CHD6: variants seen among roughly 807,000 people sequenced by gnomAD.
CHD6 encodes the protein chromodomain helicase DNA binding protein 6.
A neutral mutation model predicts 276.9 loss-of-function variants in CHD6; 50 were observed. The observed-to-expected ratio is 0.18, with a 90% CI of 0.14 to 0.23. The LOEUF (loss-of-function observed/expected upper bound fraction) is 0.23, where lower values mean the gene tolerates loss of function less well. Ranked by LOEUF, CHD6 falls within the 10% of genes least tolerant of loss-of-function variation. The pLI is 1.00. For synonymous variants in CHD6, 1,173 were observed against 1,229.3 expected (o/e 0.95, Z 0.96); for missense variants, 2,564 against 3,365.8 (o/e 0.76, Z 5.89).
chr20:41,537,127 G>A (rs2044849374), intron 2 of CHD6, among the ~76,000 whole-genome samples: 2 of 152,110 alleles, frequency 1.3e-5, no homozygotes, highest in Non-Finnish European at 2.9e-5. Flanking sequence ...GTGAAATATA[G>A]TAATTAAGGA....
At chr20:41,562,675 A>AC (rs2045314128) in intron 1 of CHD6, among the ~76,000 whole-genome samples, 3 of 152,206 alleles carry the variant, frequency 2.0e-5, no homozygotes, top group Non-Finnish European at 4.4e-5. Flanking sequence ...AAAACCTATC[A>AC]CCTTAAACTC....
At chr20:41,425,570 G>A (rs4812506) in intron 28 of CHD6, among the ~76,000 whole-genome samples, 176 bp from the exon 29 acceptor site, 72,395 of 152,008 alleles carry the variant, frequency 0.48, 19,944 homozygotes, top group African/African-American at 0.76. Context: ...ATTTTGCCTT[G>A]GATACAGCTT....
chr20:41,497,435 C>T lies in CHD6; in HGVS notation c.1041G>A (p.Lys347=), dbSNP rs775019018. 1 of 1,613,938 alleles carries T rather than the reference C, an allele frequency of 6.2e-7. No homozygotes were observed. Among genetic ancestry groups the T allele is most frequent in the Non-Finnish European group, 8.5e-7 (1 of 1,179,872 alleles). ...ELEKDPRIAQ[K]IKRFRNKQAQ... is the part of the protein sequence containing the mutation. ...CTTGTTTATTCCTAAATCGCTTGAT[C>T]TTCTGTGCGATGCGAGGATCCTTTT... Residue 347 remains lysine (K), a synonymous_variant, in exon 8 of 37, where the codon AAG becomes AAA. Coordinates refer to ENST00000373233, the MANE Select transcript of CHD6 (RefSeq NM_032221.5).
chr20:41,594,843 G>C (rs971499531), intron 1 of CHD6, among the ~76,000 whole-genome samples: 1 of 152,228 alleles, frequency 6.6e-6, no homozygotes, highest in Non-Finnish European at 1.5e-5. Context: ...CACCCAATGG[G>C]GGAAAGGACA....
In CHD6 at chr20:41,413,418, C is replaced by T; in HGVS notation, c.7037G>A (p.Ser2346Asn). 6.2e-7 allele frequency: 1 copy of T among 1,611,966 alleles called. No individual in the cohort carries two copies. The change falls in exon 35 of 37, where the codon AGC becomes AAC. Residue 2346 changes from serine (S) to asparagine (N), a missense_variant. Ser to Asn is a conservative substitution (Grantham distance 46). This residue lies in a region of CHD6 where 1,024 missense variants were observed against 1,047.9 expected (regional missense o/e 0.98). Coordinates refer to ENST00000373233, the MANE Select transcript of CHD6 (RefSeq NM_032221.5). ...GGGAATGGATTTCTCGGCTTGGCTG[C>T]TGGCTGCCGTAGCTGGCTCAGGAGC... ...TSAPEPATAA[S>N]SQAEKSIPSK... is the part of the protein sequence containing the mutation.
At chr20:41,598,848 G>A (rs1365140579) in intron 1 of CHD6, among the ~76,000 whole-genome samples, 1 of 152,264 alleles carries the variant, frequency 6.6e-6, no homozygotes, top group East Asian at 1.9e-4. Flanking sequence ...TGGGTACTCT[G>A]CCAAATAAGT....
intron 27 of CHD6, among the ~76,000 whole-genome samples, chr20:41,429,086 G>C (rs2047452592): frequency 6.6e-6 from 1 of 152,144 alleles, no homozygotes; most frequent in African/African-American, 2.4e-5. Context: ...ATGGTTTAGA[G>C]AGCACCTGAG....
At chr20:41,589,412 A>C (rs2045631714) in intron 1 of CHD6, among the ~76,000 whole-genome samples, 1 of 152,184 alleles carries the variant, frequency 6.6e-6, no homozygotes, top group Non-Finnish European at 1.5e-5. Flanking sequence ...CAATTAGGAA[A>C]AGAGGAAGTC....
At chr20:41,486,660 T>C (rs2043421736) in intron 14 of CHD6, among the ~76,000 whole-genome samples, 1 of 152,210 alleles carries the variant, frequency 6.6e-6, no homozygotes, top group Non-Finnish European at 1.5e-5. Flanking sequence ...AATTATGTCA[T>C]TCCTGTAATA....
At position 41,402,745 on chromosome 20, in the gene CHD6, T is replaced by C. The variant is rs1440546635; in HGVS notation, c.*1848A>G. ...AATAAATTATATTGATTTTTAGGAT[T>C]TAACAGCTGAAAAAACCCTTTCTGC... On this transcript the variant is annotated 3_prime_UTR_variant, in exon 37 of 37. Coordinates refer to ENST00000373233, the MANE Select transcript of CHD6 (RefSeq NM_032221.5). 5 of 210,458 alleles carry C rather than the reference T, an allele frequency of 2.4e-5. No individual in the cohort carries two copies. In the East Asian group the frequency reaches 3.6e-4, roughly 15 times the overall value. The allele number at this position is 210,458 out of a possible 1,614,324, so 13.0% of individuals were successfully genotyped here. A position where few individuals can be genotyped will look rare whatever the true frequency, so the allele number is the denominator to read the frequency against.
intron 5 of CHD6, among the ~76,000 whole-genome samples, chr20:41,504,077 CAAAAAAAAAAAAAAA>C (rs1189323419): frequency 3.7e-5 from 1 of 27,096 alleles, no homozygotes; most frequent in African/African-American, 1.3e-4. Context: ...GACTCTGTCT[CAAAAAAAAAAAAAAA>C]AAAAAAAAAA....
At chr20:41,608,619 G>T (rs2045853972) in intron 1 of CHD6, among the ~76,000 whole-genome samples, 1 of 152,182 alleles carries the variant, frequency 6.6e-6, no homozygotes, top group South Asian at 2.1e-4. Flanking sequence ...CTTGACCACA[G>T]ATCAGCTCTG....
chr20:41,516,354 A>G (rs995634365), intron 3 of CHD6, among the ~76,000 whole-genome samples: 20 of 151,994 alleles, frequency 1.3e-4, no homozygotes, highest in African/African-American at 4.8e-4. Context: ...CAGTATTTTT[A>G]GTAGAGATGG....
At chr20:41,461,476 T>C (rs905445286) in intron 17 of CHD6, among the ~76,000 whole-genome samples, 2 of 152,160 alleles carry the variant, frequency 1.3e-5, no homozygotes, top group Non-Finnish European at 2.9e-5. Flanking sequence ...ATTCTCACGA[T>C]AGTTAATGAG....
intron 36 of CHD6, among the ~76,000 whole-genome samples, chr20:41,407,762 G>A (rs922139631): frequency 7.2e-5 from 11 of 152,196 alleles, no homozygotes; most frequent in African/African-American, 2.4e-4. Context: ...ACTCAGCAGC[G>A]AGGGGAACGG....
chr20:41,554,086 G>A (rs1375872591), intron 1 of CHD6, among the ~76,000 whole-genome samples: 1 of 152,196 alleles, frequency 6.6e-6, no homozygotes, highest in Non-Finnish European at 1.5e-5. Flanking sequence ...GGAGGTCCAA[G>A]CTGCAGTGAG....
intron 17 of CHD6, among the ~76,000 whole-genome samples, chr20:41,461,417 G>A (rs2048543824): frequency 1.3e-5 from 2 of 152,160 alleles, no homozygotes; most frequent in Admixed American, 1.3e-4. Context: ...CTGTGGGAGG[G>A]ACTCAGCAGG....
chr20:41,591,926 C>A (rs1414853746), intron 1 of CHD6, among the ~76,000 whole-genome samples: 1 of 151,998 alleles, frequency 6.6e-6, no homozygotes, highest in African/African-American at 2.4e-5. Context: ...AGTGAAACCC[C>A]GTCTCTACTA....
chr20:41,426,034 AC>A, intron 28 of CHD6, 58 bp downstream of exon 28: 2 of 1,218,418 alleles, frequency 1.6e-6, no homozygotes, highest in Admixed American at 3.4e-5. Flanking sequence ...TATAAACTCC[AC>A]GATAACTAAC....
Sources: gnomAD v4.1 joint callset for allele counts (sites outside exome capture counted in the v4.1 genomes callset) on GRCh38, gnomAD v4.1.1 for gene constraint, gnomAD v4.1.1 regional missense constraint, MANE v1.5 for transcripts, NCBI Gene and HGNC (gene_info 2026-07-23, HGNC 2026-07-21) for gene names.